Variants in UGT2B28 observed in about 807,000 individuals in gnomAD.
The protein encoded by UGT2B28 is UDP-glucuronosyltransferase 2B28.
Under a neutral mutation model 43.6 loss-of-function variants are expected in UGT2B28, and 45 were observed. The observed-to-expected ratio is 1.03, with a 90% confidence interval of 0.81 to 1.32. The LOEUF is 1.32. Among genes scored for constraint, UGT2B28 ranks in the 40% most tolerant of loss-of-function variants. UGT2B28 has a pLI of 0.00. For synonymous variants in UGT2B28, 204 were observed against 208.1 expected (o/e 0.98, Z 0.17); for missense variants, 649 against 625.5 (o/e 1.04, Z -0.40).
chr4:69,287,251 G>C (rs2109690238), intron 3 of UGT2B28, among the ~76,000 whole-genome samples: 1 of 140,794 alleles, frequency 7.1e-6, no homozygotes, highest in Admixed American at 7.1e-5. Flanking sequence ...TGAAAATGGT[G>C]CCTAATGTAG....
At position 69,294,666 on chromosome 4, in the gene UGT2B28, C is replaced by T. The variant is rs748410262; in HGVS notation, c.1447C>T (p.Leu483Phe). 4 of 1,560,320 alleles carry T rather than the reference C, an allele frequency of 2.6e-6. 1 individual carries two copies. In the East Asian group the frequency reaches 9.2e-5, roughly 36 times the overall value. Residue 483 changes from leucine to phenylalanine, a missense_variant, in exon 6 of 6, where the codon CTC becomes TTC. Transcript: ENST00000335568. ...ACACCTTCGAGTTGCAGCCCGTGAC[C>T]TCACCTGGTTCCAGTACCACTCTTT... The part of the protein sequence containing the change: ...AKHLRVAARD[L>F]TWFQYHSLDV...
rs566989083 is a variant in UGT2B28, at chr4:69,290,634, A to G, written c.1133A>G (p.Asn378Ser). Residue 378 changes from asparagine to serine, a missense_variant, in exon 5 of 6, where the codon AAT becomes AGT. Asn to Ser is a conservative substitution (Grantham distance 46). Transcript: ENST00000335568. ...GCTTTTATAACTCATGGTGGAGCCAATGGCATCTATGAGGCAATCTACCAT... is the reference window on the plus strand; with the variant it reads ...GCTTTTATAACTCATGGTGGAGCCAGTGGCATCTATGAGGCAATCTACCAT... The part of the protein sequence containing the change: ...TRAFITHGGA[N>S]GIYEAIYHGI... 9.6e-6 allele frequency: 15 copies of G among 1,559,466 alleles called. 3 individuals are homozygous for G. In the African/African-American group the frequency reaches 1.2e-4, roughly 13 times the overall value.
chr4:69,282,945 A>G (rs1342922286), intron 2 of UGT2B28, among the ~76,000 whole-genome samples: 1 of 140,862 alleles, frequency 7.1e-6, no homozygotes, highest in African/African-American at 2.8e-5. Flanking sequence ...CATTCATTCA[A>G]AGAATATTTA....
chr4:69,286,773 A>G lies in UGT2B28; in HGVS notation c.892A>G (p.Ser298Gly). 6.4e-7 allele frequency: 1 copy of G among 1,555,254 alleles called. No individual in the cohort carries two copies. ...ACAGGAAATGGAGGAATTTGTACAG[A>G]GCTCTGGTGAAAATGGTGTTGTGGT... is the stretch of plus-strand genomic sequence containing the variant. ...LPKEMEEFVQ[S>G]SGENGVVVFS... The change falls in exon 3 of 6, where the codon AGC (serine) becomes GGC (glycine). Residue 298 changes from serine to glycine, a missense_variant. Ser to Gly is a moderately conservative substitution (Grantham distance 56, BLOSUM62 0). Transcript: ENST00000335568.
In UGT2B28 at chr4:69,280,770, C is replaced by G. The variant is rs768877295; in HGVS notation, c.270C>G (p.Ile90Met). ...CTAAAACTGAATTTGAGAATATCAT[C>G]ATGCAACAGGTTAAGAGATGGTCAG... ...SLTKTEFENI[I>M]MQQVKRWSDI... The change falls in exon 1 of 6, where the codon ATC becomes ATG. Residue 90 changes from isoleucine to methionine, a missense_variant. Transcript: ENST00000335568. 1.3e-6 allele frequency: 2 copies of G among 1,567,054 alleles called. No individual in the cohort carries two copies. Among genetic ancestry groups the G allele is most frequent in the Non-Finnish European group, 1.7e-6 (2 of 1,158,990 alleles).
At chr4:69,288,891 C>A (rs1434247954) in intron 3 of UGT2B28, among the ~76,000 whole-genome samples, 1 of 140,504 alleles carries the variant, frequency 7.1e-6, no homozygotes, top group Non-Finnish European at 1.5e-5. Context: ...TGGCCTCCAG[C>A]TCCATCCTTA....
intron 3 of UGT2B28, 27 bp downstream of exon 3, chr4:69,286,910 GA>G: frequency 1.9e-6 from 3 of 1,545,230 alleles, no homozygotes; most frequent in Non-Finnish European, 2.6e-6. Flanking sequence ...TACTGGTGTG[GA>G]AAACTACTGA....
rs772395262 is a variant in UGT2B28 at position 69,294,612 on chromosome 4, G to C, written c.1393G>C (p.Glu465Gln). 6.4e-7 allele frequency: 1 copy of C among 1,552,816 alleles called. No individual in the cohort carries two copies. The highest frequency in any genetic ancestry group is 8.7e-7 in the Non-Finnish European group (1 of 1,150,764). ...KPLHRAVFWI[E>Q]FVMCHKGAKH... ...CCTGCATCGAGCAGTCTTCTGGATT[G>C]AATTTGTGATGTGCCACAAAGGAGC... The change falls in exon 6 of 6, where the codon GAA (glutamate) becomes CAA (glutamine). Residue 465 changes from glutamate (E) to glutamine (Q), a missense_variant. By Grantham distance (29) the Glu-to-Gln change is conservative. Coordinates refer to ENST00000335568, the MANE Select transcript of UGT2B28 (RefSeq NM_053039.2).
chr4:69,288,151 CAA>C (rs33966513), intron 3 of UGT2B28, among the ~76,000 whole-genome samples: 1,476 of 124,022 alleles, frequency 0.012, 256 homozygotes, highest in African/African-American at 0.041. Flanking sequence ...ATTTCTAGGC[CAA>C]AAAAAAAAAA....
rs779910310 is a variant in UGT2B28 at position 69,280,977 on chromosome 4, G to A, written c.477G>A (p.Leu159=). 1 of 1,559,872 alleles carries A rather than the reference G, an allele frequency of 6.4e-7. No individual in the cohort carries two copies. The highest frequency in any genetic ancestry group is 1.8e-5 in the Admixed American group (1 of 56,284). The change falls in exon 1 of 6, where the codon CTG becomes CTA. Residue 159 remains leucine, a synonymous_variant. Transcript: ENST00000335568. ...FADAFFPCGE[L]LAALLNIPFV... Reference sequence around the variant, plus strand: ...ATGCTTTTTTTCCTTGTGGTGAGCTGCTGGCTGCGCTACTTAACATACCGT... The same window carrying A: ...ATGCTTTTTTTCCTTGTGGTGAGCTACTGGCTGCGCTACTTAACATACCGT...
rs553326998 is a variant in UGT2B28 at position 69,290,273 on chromosome 4, G to A, written c.1091-319G>A. Among the ~76,000 whole-genome samples the A allele has an allele frequency of 4.3e-5, 6 of 139,554 alleles. 1 individual carries two copies. In the South Asian group the frequency reaches 1.4e-3, roughly 34 times the overall value. 91.6% of individuals were successfully genotyped at this position (139,554 alleles called of 152,430 possible). A position where few individuals can be genotyped will look rare whatever the true frequency, so the allele number is the denominator to read the frequency against. ...GCACACCCCACATATCACACTCTGT[G>A]ACAGCACCTAAAATAAAACTTTATT... On this transcript the variant is annotated intron_variant, in intron 4 of 5. Transcript: ENST00000335568.
chr4:69,289,932 T>A (rs4694713), intron 4 of UGT2B28, among the ~76,000 whole-genome samples, 180 bp downstream of exon 4: 102,044 of 139,326 alleles, frequency 0.73, 41,947 homozygotes, highest in Non-Finnish European at 0.79. Context: ...TTTATGATAT[T>A]CACTCATATA....
chr4:69,281,301 T>A, intron 1 of UGT2B28, 80 bp downstream of exon 1: 2 of 1,377,704 alleles, frequency 1.5e-6, no homozygotes, highest in East Asian at 2.4e-5. Context: ...AGCCATAAAG[T>A]CAGGGAAGTG....
chr4:69,286,270 A>T (rs1342545663), intron 2 of UGT2B28, among the ~76,000 whole-genome samples: 1 of 141,822 alleles, frequency 7.1e-6, no homozygotes, highest in East Asian at 2.0e-4. Context: ...GCTTTTCCTC[A>T]GTGCTCATAT....
chr4:69,292,269 T>C lies in UGT2B28; in HGVS notation c.1310+1458T>C, dbSNP rs1284230923. Reference sequence around the variant, plus strand: ...CAAAGATAACAATGTGAAAAATTCCTTGCGGAGTCCAGCTACCATCAATTC... The same window carrying C: ...CAAAGATAACAATGTGAAAAATTCCCTGCGGAGTCCAGCTACCATCAATTC... On this transcript the variant is annotated intron_variant, in intron 5 of 5. Transcript: ENST00000335568. Among the ~76,000 whole-genome samples the C allele has an allele frequency of 2.1e-5, 3 of 140,382 alleles. 1 individual carries two copies. Among genetic ancestry groups the C allele is most frequent in the African/African-American group, 5.6e-5 (2 of 35,998 alleles). 92.1% of individuals were successfully genotyped at this position (140,382 alleles called of 152,430 possible).
intron 5 of UGT2B28, among the ~76,000 whole-genome samples, chr4:69,291,571 T>A (rs1723956338): frequency 7.1e-6 from 1 of 141,510 alleles, no homozygotes; most frequent in Non-Finnish European, 1.5e-5. Flanking sequence ...TGTGTTTTAA[T>A]ACTTCATTTC....
chr4:69,290,575 A>G lies in UGT2B28; in HGVS notation c.1091-17A>G, dbSNP rs770678801. Reference sequence around the variant, plus strand: ...TTATTCCTATGAATAATTTTGCTAAAATTCATCCAATCCTAGGTCTTCCAA... The same window carrying G: ...TTATTCCTATGAATAATTTTGCTAAGATTCATCCAATCCTAGGTCTTCCAA... On this transcript the variant is annotated splice_polypyrimidine_tract_variant and intron_variant, in intron 4 of 5. Transcript: ENST00000335568. 1 of 1,540,038 alleles carries G rather than the reference A, an allele frequency of 6.5e-7. No homozygotes were observed. The highest frequency in any genetic ancestry group is 2.3e-5 in the East Asian group (1 of 43,462).
At chr4:69,287,225 A>G (rs191528217) in intron 3 of UGT2B28, among the ~76,000 whole-genome samples, 1 of 141,114 alleles carries the variant, frequency 7.1e-6, no homozygotes, top group African/African-American at 2.8e-5. Context: ...AATTAACTCA[A>G]TATATTTCAG....
intron 3 of UGT2B28, 128 bp downstream of exon 3, chr4:69,287,011 T>C (rs1723798286): frequency 7.1e-7 from 1 of 1,412,644 alleles, no homozygotes; most frequent in African/African-American, 1.7e-5. Context: ...AAATATCTTG[T>C]GTAGCTTCCA....
Sources: allele counts gnomAD v4.1 joint callset (sites outside exome capture counted in the v4.1 genomes callset), GRCh38; gene constraint gnomAD v4.1.1; transcripts MANE v1.5; gene names NCBI Gene and HGNC (gene_info 2026-07-23, HGNC 2026-07-21).